LNX1: variants seen among roughly 807,000 people sequenced by gnomAD.
LNX1 encodes E3 ubiquitin-protein ligase LNX.
In LNX1, 54 loss-of-function variants were observed where a neutral mutation model predicts 68.4. The observed-to-expected ratio is 0.79, with a 90% CI of 0.63 to 0.99. The LOEUF (loss-of-function observed/expected upper bound fraction) is 0.99. Among genes scored for constraint, LNX1 ranks in the 50% least tolerant of loss-of-function variants. LNX1 has a pLI of 0.00. For missense variants in LNX1, 906 were observed against 926.4 expected (o/e 0.98, Z 0.29); for synonymous variants, 336 against 350.0 (o/e 0.96, Z 0.45).
At chr4:53,618,611 A>G (rs976259591), upstream of LNX1, among the ~76,000 whole-genome samples, 1 of 152,144 alleles carries the variant, frequency 6.6e-6, no homozygotes, top group South Asian at 2.1e-4. Flanking sequence ...CACACTTTTC[A>G]TGTTCTTTAC....
At chr4:53,652,095 TGA>T (rs1171213022) in intron 1 of LNX1, 2 of 150,736 alleles carry the variant, frequency 1.3e-5, no homozygotes, top group Non-Finnish European at 3.0e-5. Flanking sequence ...AGCTGGAGGC[TGA>T]GTGGGCAGAG....
At chr4:53,617,125 A>G (rs1182347860) in intron 1 of LNX1, 1 of 152,190 alleles carries the variant, frequency 6.6e-6, no homozygotes, top group Non-Finnish European at 1.5e-5. Context: ...CTTGGCTCTA[A>G]AGGGACTTAC....
chr4:53,546,545 T>C (rs1414270945), intron 2 of LNX1, among the ~76,000 whole-genome samples: 1 of 152,214 alleles, frequency 6.6e-6, no homozygotes, highest in East Asian at 1.9e-4. Flanking sequence ...CATAACTTGT[T>C]CAAGGTCACA....
chr4:53,489,088 T>G (rs1253608628), intron 6 of LNX1, among the ~76,000 whole-genome samples: 1 of 152,202 alleles, frequency 6.6e-6, no homozygotes, highest in African/African-American at 2.4e-5. Context: ...TGTTTGCCAT[T>G]GAAACTTTGG....
chr4:53,557,785 T>C, intron 2 of LNX1: 1 of 1,401,412 alleles, frequency 7.1e-7, no homozygotes, highest in South Asian at 1.2e-5. Context: ...GAATTTAAAA[T>C]GGATATATCA....
intron 2 of LNX1, chr4:53,558,114 G>A (rs548766860): frequency 2.0e-5 from 29 of 1,445,016 alleles, no homozygotes; most frequent in African/African-American, 1.4e-4. Context: ...ATTAAGCCAC[G>A]TTAATAAATC....
At chr4:53,591,023 C>T (rs1405390330) in intron 1 of LNX1, among the ~76,000 whole-genome samples, 1 of 152,148 alleles carries the variant, frequency 6.6e-6, no homozygotes, top group East Asian at 1.9e-4. Context: ...GCCTCCTAGC[C>T]CCCGTTAAAC....
chr4:53,475,963 TG>T (rs1723534605), intron 9 of LNX1, among the ~76,000 whole-genome samples: 1 of 152,184 alleles, frequency 6.6e-6, no homozygotes, highest in African/African-American at 2.4e-5. Flanking sequence ...AAAGGCGAAG[TG>T]CTCTGGGGCA....
intron 2 of LNX1, among the ~76,000 whole-genome samples, chr4:53,528,314 A>C (rs867890024): frequency 1.3e-5 from 2 of 152,226 alleles, no homozygotes; most frequent in African/African-American, 2.4e-5. Flanking sequence ...TATTAAGTAG[A>C]AAATTCCAGA....
At chr4:53,570,548 C>A (rs370129787) in intron 2 of LNX1, among the ~76,000 whole-genome samples, 8 of 149,758 alleles carry the variant, frequency 5.3e-5, no homozygotes, top group Admixed American at 1.3e-4. Flanking sequence ...TAGCATTGGG[C>A]GATATACCTA....
intron 2 of LNX1, among the ~76,000 whole-genome samples, chr4:53,602,185 G>A (rs987362137): frequency 1.3e-5 from 2 of 152,200 alleles, no homozygotes; most frequent in Admixed American, 1.3e-4. Flanking sequence ...GTGATAAGGG[G>A]ATGGATCCAA....
Position 53,629,973 on chromosome 4 carries a change from C to A in LNX1, c.-215+22195G>T, listed in dbSNP as rs139808393. On this transcript the variant is annotated intron_variant, in intron 1 of 2. Transcript: ENST00000507168. ...TTCCATTGAAAAGCCAAAATCTCCA[C>A]CTTGTACCTATACTAATATTTTCTA... is the stretch of plus-strand genomic sequence containing the variant. Among the ~76,000 whole-genome samples, 50 of 152,210 alleles carry A rather than the reference C, an allele frequency of 3.3e-4. No individual in the cohort carries two copies. In the East Asian group the frequency reaches 7.3e-3, roughly 22 times the overall value.
intron 2 of LNX1, among the ~76,000 whole-genome samples, chr4:53,568,519 G>A (rs1007490195): frequency 2.0e-5 from 3 of 151,636 alleles, no homozygotes; most frequent in Non-Finnish European, 2.9e-5. Context: ...AGCTATCTAT[G>A]ACAAACCTAC....
At chr4:53,593,277 A>G (rs1433921332), upstream of LNX1, among the ~76,000 whole-genome samples, 2 of 152,326 alleles carry the variant, frequency 1.3e-5, no homozygotes, top group South Asian at 4.1e-4. Flanking sequence ...CTGATGAATC[A>G]TCTAGAAGGC....
intron 6 of LNX1, among the ~76,000 whole-genome samples, chr4:53,487,662 A>C (rs1724400192): frequency 6.6e-6 from 1 of 152,156 alleles, no homozygotes; most frequent in Non-Finnish European, 1.5e-5. Flanking sequence ...GGTCCACAGG[A>C]GACTCATGCT....
rs1721396975 is a variant in LNX1, at chr4:53,459,648, A to G, written c.*1259T>C. The G allele has an allele frequency of 1.4e-6, 1 of 692,700 alleles. No homozygotes were observed. 42.9% of individuals were successfully genotyped at this position (692,700 alleles called of 1,614,324 possible). On this transcript the variant is annotated 3_prime_UTR_variant, in exon 11 of 11. Transcript: ENST00000263925. ...CTTTGTCTTGTACTATTTCAAAAAT[A>G]AAAAGACAGCAATGACTTTATATCC... is the stretch of plus-strand genomic sequence containing the variant.
intron 2 of LNX1, among the ~76,000 whole-genome samples, chr4:53,612,053 C>A (rs1733518104): frequency 6.6e-6 from 1 of 151,746 alleles, no homozygotes; most frequent in African/African-American, 2.4e-5. Context: ...AAGAACAAAC[C>A]AATAGGAAAA....
At chr4:53,560,894 G>A (rs1730238198) in intron 2 of LNX1, among the ~76,000 whole-genome samples, 1 of 152,106 alleles carries the variant, frequency 6.6e-6, no homozygotes, top group South Asian at 2.1e-4. Flanking sequence ...AATCCCTTGG[G>A]GCTAAAACCC....
chr4:53,609,771 T>C lies in LNX1; in HGVS notation c.-215+6746A>G, dbSNP rs1313731043. Among the ~76,000 whole-genome samples the C allele has an allele frequency of 3.5e-5, 5 of 142,172 alleles. No homozygotes were observed. The East Asian group carries it at 9.9e-4, about 28-fold the overall frequency. 93.3% of individuals were successfully genotyped at this position (142,172 alleles called of 152,430 possible). On this transcript the variant is annotated intron_variant, in intron 2 of 3. Coordinates refer to the LNX1 transcript ENST00000504299. ...ATTATATATAATATACTATTATATA[T>C]TATATATAATATATTATTTAAATAT...
Sources: gnomAD v4.1 joint callset for allele counts (sites outside exome capture counted in the v4.1 genomes callset) on GRCh38, gnomAD v4.1.1 for gene constraint, MANE v1.5 for transcripts, NCBI Gene and HGNC (gene_info 2026-07-23, HGNC 2026-07-21) for gene names.